The following MARCHF1 variants were observed in gnomAD, a reference collection of about 807,000 sequenced individuals.
MARCHF1 encodes membrane associated ring-CH-type finger 1.
In MARCHF1, 40 loss-of-function variants were observed where a neutral mutation model predicts 54.2. The ratio of observed to expected loss-of-function variants is 0.74; its 90% CI spans 0.57 to 0.96. The LOEUF is 0.96. MARCHF1 is among the 40% of genes least tolerant of loss of function. MARCHF1 has a pLI of 0.00. For missense variants in MARCHF1, 586 were observed against 656.5 expected (o/e 0.89, Z 1.17); for synonymous variants, 236 against 236.3 (o/e 1.00, Z 0.01).
intron 4 of MARCHF1, among the ~76,000 whole-genome samples, chr4:163,827,660 C>T (rs1748892127): frequency 6.6e-6 from 1 of 152,084 alleles, no homozygotes; most frequent in Non-Finnish European, 1.5e-5. Context: ...AAAGTCCTTT[C>T]CACTTATTGC....
chr4:163,954,137 C>T (rs192093152), intron 3 of MARCHF1, among the ~76,000 whole-genome samples: 2 of 152,226 alleles, frequency 1.3e-5, no homozygotes, highest in Admixed American at 1.3e-4. Context: ...GACATAGGTC[C>T]TGTGAAAGGT....
intron 1 of MARCHF1, among the ~76,000 whole-genome samples, chr4:164,283,390 T>C (rs1240923368): frequency 1.3e-5 from 2 of 150,892 alleles, no homozygotes; most frequent in Non-Finnish European, 2.9e-5. Flanking sequence ...TATAAGCTGC[T>C]GTAGAGGAAT....
At chr4:164,221,234 T>C (rs991663963) in intron 1 of MARCHF1, among the ~76,000 whole-genome samples, 1 of 152,058 alleles carries the variant, frequency 6.6e-6, no homozygotes, top group Non-Finnish European at 1.5e-5. Flanking sequence ...CTGTGTACTA[T>C]TGTTTCAAAT....
chr4:163,547,519 G>C (rs1560934461), intron 8 of MARCHF1, among the ~76,000 whole-genome samples: 1 of 152,140 alleles, frequency 6.6e-6, no homozygotes, highest in South Asian at 2.1e-4. Flanking sequence ...TGTTCATCTT[G>C]CAATCTTGAG....
chr4:164,075,029 T>G (rs934515389), intron 2 of MARCHF1, among the ~76,000 whole-genome samples: 3 of 152,266 alleles, frequency 2.0e-5, no homozygotes, highest in South Asian at 2.1e-4. Context: ...TTTGATGACA[T>G]CTGCCTTAAA....
chr4:163,637,133 C>T (rs1471268647), intron 5 of MARCHF1, among the ~76,000 whole-genome samples: 1 of 151,704 alleles, frequency 6.6e-6, no homozygotes, highest in African/African-American at 2.4e-5. Flanking sequence ...GACCTAAAAC[C>T]ATAAAAACCC....
chr4:163,888,625 G>A (rs1280076036), intron 3 of MARCHF1, among the ~76,000 whole-genome samples: 1 of 152,140 alleles, frequency 6.6e-6, no homozygotes, highest in East Asian at 1.9e-4. Context: ...ATTGCAGTGA[G>A]GTTTCCTATA....
At chr4:163,945,128 T>G (rs1381087856) in intron 3 of MARCHF1, among the ~76,000 whole-genome samples, 1 of 152,198 alleles carries the variant, frequency 6.6e-6, no homozygotes, top group East Asian at 1.9e-4. Flanking sequence ...TAGCCTCTAC[T>G]CCCAAAGATT....
At chr4:164,371,735 G>A (rs915845961) in intron 1 of MARCHF1, among the ~76,000 whole-genome samples, 3 of 152,090 alleles carry the variant, frequency 2.0e-5, no homozygotes, top group African/African-American at 4.8e-5. Context: ...CATTGCTGAC[G>A]GACATGTAAG....
At chr4:164,087,501 T>C (rs974418438) in intron 2 of MARCHF1, among the ~76,000 whole-genome samples, 2 of 152,032 alleles carry the variant, frequency 1.3e-5, no homozygotes, top group Non-Finnish European at 2.9e-5. Flanking sequence ...AGAAAATAGA[T>C]AGTCAGGTAA....
chr4:163,634,378 C>T (rs1328255234), intron 5 of MARCHF1, among the ~76,000 whole-genome samples: 2 of 148,766 alleles, frequency 1.3e-5, no homozygotes, highest in Non-Finnish European at 3.0e-5. Context: ...CACACATAGG[C>T]TCAAAATAAA....
At chr4:164,349,082 C>T (rs79607589) in intron 1 of MARCHF1, among the ~76,000 whole-genome samples, 116 of 152,218 alleles carry the variant, frequency 7.6e-4, no homozygotes, top group Non-Finnish European at 9.0e-4. Flanking sequence ...GGTCGGGTAA[C>T]GGTGGAGGAG....
At position 163,693,310 on chromosome 4, in the gene MARCHF1, T is replaced by A. The variant is rs189559335; in HGVS notation, c.162+7503A>T. ...CAGAGTTAAGACCAAATTTTGCATT[T>A]TACTTTACTATCAAGAAGGACCCAG... On this transcript the variant is annotated intron_variant, in intron 5 of 9. Coordinates refer to ENST00000514618, the MANE Select transcript of MARCHF1 (RefSeq NM_001394959.1). Among the ~76,000 whole-genome samples, 28 of 151,560 alleles carry A rather than the reference T, an allele frequency of 1.8e-4. 1 individual carries two copies. Among genetic ancestry groups the A allele is most frequent in the Admixed American group, 5.3e-4 (8 of 15,204 alleles).
intron 4 of MARCHF1, among the ~76,000 whole-genome samples, chr4:163,816,704 A>G (rs1215610360): frequency 2.0e-5 from 3 of 152,108 alleles, no homozygotes; most frequent in Non-Finnish European, 2.9e-5. Flanking sequence ...CTGAATCACA[A>G]GAGAGATGAG....
In MARCHF1 at chr4:164,145,488, T is replaced by C. The variant is rs1729656281; in HGVS notation, c.-322-33826A>G. On this transcript the variant is annotated intron_variant, in intron 1 of 9. Coordinates refer to ENST00000514618, the MANE Select transcript of MARCHF1 (RefSeq NM_001394959.1). ...GCTTATCCACCATGATCAAGTGGGC[T>C]TCATCCCTGGGATGCAAGGCTGGTT... is the stretch of plus-strand genomic sequence containing the variant. Among the ~76,000 whole-genome samples the C allele has an allele frequency of 1.3e-5, 2 of 151,982 alleles. 1 individual carries two copies. The highest frequency in any genetic ancestry group is 4.2e-4 in the South Asian group (2 of 4,804).
intron 1 of MARCHF1, among the ~76,000 whole-genome samples, chr4:164,149,494 G>T (rs1729872635): frequency 6.6e-6 from 1 of 152,154 alleles, no homozygotes; most frequent in Admixed American, 6.6e-5. Context: ...GCCTAGAAAA[G>T]TTTATCATAA....
chr4:164,328,625 G>C (rs1422675261), intron 1 of MARCHF1, among the ~76,000 whole-genome samples: 1 of 151,922 alleles, frequency 6.6e-6, no homozygotes, highest in East Asian at 1.9e-4. Flanking sequence ...TGCCTCCTGG[G>C]TTCAAGCAAT....
intron 1 of MARCHF1, among the ~76,000 whole-genome samples, chr4:164,173,601 C>T (rs546897992): frequency 3.3e-4 from 50 of 152,234 alleles, no homozygotes; most frequent in African/African-American, 1.1e-3. Context: ...TGGCTTGGCA[C>T]CATCCTCACA....
At chr4:163,741,156 T>TA (rs1456055486) in intron 4 of MARCHF1, among the ~76,000 whole-genome samples, 3 of 152,252 alleles carry the variant, frequency 2.0e-5, no homozygotes, top group Non-Finnish European at 4.4e-5. Context: ...GTAAATAATT[T>TA]AAAATCACTA....
Sources: gnomAD v4.1 joint callset for allele counts (sites outside exome capture counted in the v4.1 genomes callset) on GRCh38, gnomAD v4.1.1 for gene constraint, MANE v1.5 for transcripts, NCBI Gene and HGNC (gene_info 2026-07-23, HGNC 2026-07-21) for gene names.